The following KATNIP variants were observed in gnomAD, a reference collection of about 807,000 sequenced individuals.
The protein encoded by KATNIP is katanin-interacting protein.
Under a neutral mutation model 174.0 loss-of-function variants are expected in KATNIP, and 126 were observed. The observed-to-expected ratio is 0.72, with a 90% CI of 0.63 to 0.84. The LOEUF (loss-of-function observed/expected upper bound fraction) is 0.84. Ranked by LOEUF, KATNIP falls within the 40% of genes least tolerant of loss-of-function variation. The pLI is 0.00. For missense variants in KATNIP, 1,958 were observed against 2,109.7 expected (o/e 0.93, Z 1.41); for synonymous variants, 810 against 835.7 (o/e 0.97, Z 0.53).
intron 6 of KATNIP, among the ~76,000 whole-genome samples, chr16:27,657,853 T>G (rs1460968445): frequency 6.6e-6 from 1 of 152,128 alleles, no homozygotes; most frequent in Non-Finnish European, 1.5e-5. Flanking sequence ...GAGGTTGCAG[T>G]GAGCCGAGAT....
chr16:27,602,991 C>CA (rs2075581681), intron 2 of KATNIP, among the ~76,000 whole-genome samples: 1 of 152,228 alleles, frequency 6.6e-6, no homozygotes, highest in Admixed American at 6.5e-5. Context: ...TGAGCCACGG[C>CA]ACCCAGCTGA....
chr16:27,740,835 C>G lies in KATNIP; in HGVS notation c.2538C>G (p.Asn846Lys), dbSNP rs759412989. Residue 846 changes from asparagine (N) to lysine (K), a missense_variant, in exon 15 of 28, where the codon AAC becomes AAG. Asn to Lys is a moderately conservative substitution (Grantham distance 94). Around this residue, in one of 3 missense-constraint regions of KATNIP, gnomAD observed 1,557 missense variants for 1,617.8 expected, o/e 0.96. Coordinates refer to ENST00000261588, the MANE Select transcript of KATNIP (RefSeq NM_015202.5). ...DDSDIFNQPP[N>K]RERPASGRRG... is the part of the protein sequence containing the mutation. ...CAGACATCTTTAACCAGCCCCCCAA[C>G]AGAGAGCGCCCTGCTAGTGGGAGGA... 1.2e-6 allele frequency: 2 copies of G among 1,613,324 alleles called. No individual in the cohort carries two copies. Among genetic ancestry groups the G allele is most frequent in the Non-Finnish European group, 1.7e-6 (2 of 1,179,714 alleles).
At chr16:27,749,049 A>G (rs577349951) in intron 15 of KATNIP, among the ~76,000 whole-genome samples, 1 of 152,252 alleles carries the variant, frequency 6.6e-6, no homozygotes, top group African/African-American at 2.4e-5. Context: ...CGTGACTGTG[A>G]CAGTCTCCAG....
intron 2 of KATNIP, among the ~76,000 whole-genome samples, chr16:27,616,535 T>C (rs1165273945): frequency 1.3e-5 from 2 of 151,870 alleles, no homozygotes; most frequent in Non-Finnish European, 2.9e-5. Context: ...GAGACCAGCC[T>C]GGCCAACATA....
chr16:27,707,129 T>G (rs1209675253), intron 12 of KATNIP, among the ~76,000 whole-genome samples: 1 of 152,144 alleles, frequency 6.6e-6, no homozygotes, highest in Admixed American at 6.5e-5. Context: ...CTGAGAGCAA[T>G]AGCACGTCTC....
At chr16:27,560,017 C>G (rs1218575384) in intron 1 of KATNIP, among the ~76,000 whole-genome samples, 2 of 150,946 alleles carry the variant, frequency 1.3e-5, no homozygotes, top group Admixed American at 6.6e-5. Flanking sequence ...GGTGTGGTGG[C>G]TCACGCCTGC....
intron 5 of KATNIP, among the ~76,000 whole-genome samples, chr16:27,638,367 T>C (rs561657345): frequency 1.2e-3 from 181 of 152,274 alleles, no homozygotes; most frequent in Middle Eastern, 3.4e-3. Flanking sequence ...CTGGATTGGT[T>C]TGCTCTGGCT....
At chr16:27,724,372 A>G (rs896369317) in intron 14 of KATNIP, among the ~76,000 whole-genome samples, 1 of 152,230 alleles carries the variant, frequency 6.6e-6, no homozygotes, top group Non-Finnish European at 1.5e-5. Flanking sequence ...ATCTCAGGGC[A>G]AGGAAAGCAG....
intron 1 of KATNIP, among the ~76,000 whole-genome samples, chr16:27,559,937 C>T (rs1406937171): frequency 6.6e-6 from 1 of 150,998 alleles, no homozygotes; most frequent in Admixed American, 6.6e-5. Context: ...GCCTAGATCG[C>T]GCCACTGCAC....
Position 27,677,897 on chromosome 16 carries a change from T to A in KATNIP, c.709T>A (p.Trp237Arg). 2 of 1,614,166 alleles carry A rather than the reference T, an allele frequency of 1.2e-6. No homozygotes were observed. The highest frequency in any genetic ancestry group is 1.7e-6 in the Non-Finnish European group (2 of 1,180,016). ...RHDRPPSSGD[W>R]TQKDVHGEQE... ...TGACCGCCCTCCTTCCAGTGGCGAC[T>A]GGACTCAGAAAGATGTTCACGGGGA... The change falls in exon 7 of 28, where the codon TGG becomes AGG. Residue 237 changes from tryptophan (W) to arginine (R), a missense_variant. Coordinates refer to ENST00000261588, the MANE Select transcript of KATNIP (RefSeq NM_015202.5).
intron 3 of KATNIP, among the ~76,000 whole-genome samples, chr16:27,619,273 C>T (rs2076130237): frequency 6.6e-6 from 1 of 152,154 alleles, no homozygotes; most frequent in Non-Finnish European, 1.5e-5. Flanking sequence ...CCACAGTTCC[C>T]CCAGGTCCTG....
intron 2 of KATNIP, among the ~76,000 whole-genome samples, chr16:27,613,304 C>T (rs573952008): frequency 1.6e-4 from 24 of 152,020 alleles, no homozygotes; most frequent in Non-Finnish European, 2.8e-4. Context: ...CATTTCACCA[C>T]GATCCCTAGG....
intron 6 of KATNIP, among the ~76,000 whole-genome samples, chr16:27,655,177 G>GATAGATATAT (rs1407225408): frequency 5.2e-5 from 2 of 38,526 alleles, no homozygotes; most frequent in Non-Finnish European, 1.2e-4. Flanking sequence ...CCCTAGAATG[G>GATAGATATAT]ATATATATAT....
At chr16:27,664,451 T>TATATTAGC (rs2077620408) in intron 6 of KATNIP, among the ~76,000 whole-genome samples, 1 of 152,232 alleles carries the variant, frequency 6.6e-6, no homozygotes, top group East Asian at 1.9e-4. Flanking sequence ...TCAGACTACC[T>TATATTAGC]ATATTAGCAT....
intron 14 of KATNIP, among the ~76,000 whole-genome samples, chr16:27,738,202 T>C (rs1458321090): frequency 6.6e-6 from 1 of 152,182 alleles, no homozygotes; most frequent in Non-Finnish European, 1.5e-5. Flanking sequence ...GATTCCTTTA[T>C]GTAAACATTC....
At chr16:27,774,109 T>A (rs1367822917) in intron 23 of KATNIP, among the ~76,000 whole-genome samples, 2 of 152,116 alleles carry the variant, frequency 1.3e-5, no homozygotes, top group African/African-American at 4.8e-5. Context: ...GAATCTGTGA[T>A]CCCTGGCCCA....
intron 15 of KATNIP, among the ~76,000 whole-genome samples, chr16:27,743,222 G>A (rs775830714): frequency 1.3e-5 from 2 of 152,164 alleles, no homozygotes; most frequent in Admixed American, 1.3e-4. Context: ...GTATTCCATG[G>A]TGTATATGTA....
chr16:27,773,609 A>G (rs1198189675), intron 23 of KATNIP, among the ~76,000 whole-genome samples: 1 of 152,232 alleles, frequency 6.6e-6, no homozygotes, highest in East Asian at 1.9e-4. Flanking sequence ...TGTGCATAGT[A>G]TGCCCACACC....
At chr16:27,561,038 G>A (rs1264638739) in intron 1 of KATNIP, among the ~76,000 whole-genome samples, 1 of 151,498 alleles carries the variant, frequency 6.6e-6, no homozygotes, top group Non-Finnish European at 1.5e-5. Context: ...TCAAGACAGA[G>A]TCTCGCTGTG....
Sources: allele counts gnomAD v4.1 joint callset (sites outside exome capture counted in the v4.1 genomes callset), GRCh38; gene constraint gnomAD v4.1.1; regional missense constraint gnomAD v4.1.1; transcripts MANE v1.5; gene names NCBI Gene and HGNC (gene_info 2026-07-23, HGNC 2026-07-21).